AP4E1: variants seen among roughly 807,000 people sequenced by gnomAD.
The protein encoded by AP4E1 is adaptor related protein complex 4 subunit epsilon 1.
AP4E1 carries 56 observed loss-of-function variants against 128.2 expected under a neutral mutation model. The observed-to-expected ratio is 0.44, with a 90% CI of 0.35 to 0.55. The LOEUF (loss-of-function observed/expected upper bound fraction) is 0.55, where lower values mean the gene tolerates loss of function less well. Among genes scored for constraint, AP4E1 ranks in the 20% least tolerant of loss-of-function variants. The pLI is 0.00. For missense variants in AP4E1, 1,324 were observed against 1,307.7 expected (o/e 1.01, Z -0.19); for synonymous variants, 484 against 473.1 (o/e 1.02, Z -0.30).
At chr15:50,971,724 G>A (rs183307831) in intron 15 of AP4E1, among the ~76,000 whole-genome samples, 77 of 151,838 alleles carry the variant, frequency 5.1e-4, no homozygotes, top group African/African-American at 1.8e-3. Flanking sequence ...GCTTTCTAAT[G>A]TGTTGTTGAA....
chr15:50,972,693 T>G (rs969837453), intron 15 of AP4E1, among the ~76,000 whole-genome samples: 1 of 152,182 alleles, frequency 6.6e-6, no homozygotes, highest in Non-Finnish European at 1.5e-5. Flanking sequence ...CTTACTGAGG[T>G]TGGGGCCATG....
At position 50,930,778 on chromosome 15, in the gene AP4E1, CAA is replaced by C. The variant is rs753833092; in HGVS notation, c.703-25_703-24del. On this transcript the variant is annotated intron_variant, in intron 6 of 20. Transcript: ENST00000261842. ...TTTCTATTTAATAAGACGTTATTAA[CAA>C]AGTTTTTTTTGCGGGGGGATGTAGG... 2.5e-6 allele frequency: 4 copies of C among 1,612,922 alleles called. No individual in the cohort carries two copies. The African/African-American group carries it at 5.3e-5, about 22-fold the overall frequency.
intron 13 of AP4E1, among the ~76,000 whole-genome samples, chr15:50,956,457 C>T (rs1406342248): frequency 6.6e-6 from 1 of 152,168 alleles, no homozygotes; most frequent in East Asian, 1.9e-4. Context: ...TCCATTCTCA[C>T]ACTGCTATGA....
At chr15:50,948,706 C>CTCA (rs2140859482) in intron 11 of AP4E1, among the ~76,000 whole-genome samples, 1 of 152,320 alleles carries the variant, frequency 6.6e-6, no homozygotes, top group African/African-American at 2.4e-5. Context: ...GGCACAGTGG[C>CTCA]TCATGCCTGT....
intron 13 of AP4E1, among the ~76,000 whole-genome samples, chr15:50,954,491 TTGG>T (rs2064190447): frequency 6.6e-6 from 1 of 152,194 alleles, no homozygotes; most frequent in African/African-American, 2.4e-5. Flanking sequence ...TTTCCCCCCC[TTGG>T]GACTTATCTT....
At chr15:50,970,700 A>G (rs1006479020) in intron 15 of AP4E1, among the ~76,000 whole-genome samples, 3 of 151,782 alleles carry the variant, frequency 2.0e-5, no homozygotes, top group African/African-American at 4.8e-5. Flanking sequence ...TTTGGTTTCT[A>G]TTTGTCTGGA....
chr15:50,922,524 A>G (rs533296559), intron 3 of AP4E1, among the ~76,000 whole-genome samples: 7 of 152,280 alleles, frequency 4.6e-5, no homozygotes, highest in South Asian at 2.1e-4. Context: ...CTCCTGTTCC[A>G]TGGTAGACAC....
rs1441776118 is a variant in AP4E1 at position 50,993,356 on chromosome 15, AT to A, written c.2091-13del. 2.5e-6 allele frequency: 4 copies of A among 1,613,562 alleles called. No individual in the cohort carries two copies. Among genetic ancestry groups the A allele is most frequent in the Admixed American group, 3.3e-5 (2 of 59,970 alleles). On this transcript the variant is annotated splice_polypyrimidine_tract_variant and intron_variant, in intron 16 of 20. Transcript: ENST00000261842. Reference sequence around the variant, plus strand: ...TTATTTAAGTTGACTTGATTTTATTATCAACCTCCTTAGGACAAATAGCTTG... The same window carrying A: ...TTATTTAAGTTGACTTGATTTTATTACAACCTCCTTAGGACAAATAGCTTG...
At chr15:50,932,348 C>T (rs755995980) in intron 7 of AP4E1, among the ~76,000 whole-genome samples, 13 of 152,216 alleles carry the variant, frequency 8.5e-5, no homozygotes, top group Non-Finnish European at 1.5e-4. Flanking sequence ...AGTTCCCTTA[C>T]ATCCTGCACC....
chr15:50,933,152 C>T (rs771798066), intron 7 of AP4E1, among the ~76,000 whole-genome samples: 14 of 152,122 alleles, frequency 9.2e-5, no homozygotes, highest in Non-Finnish European at 1.9e-4. Flanking sequence ...ACCTTCACAG[C>T]ACTCAGGTGA....
At chr15:50,946,263 T>G (rs1179697992) in intron 10 of AP4E1, among the ~76,000 whole-genome samples, 1 of 152,246 alleles carries the variant, frequency 6.6e-6, no homozygotes, top group African/African-American at 2.4e-5. Context: ...AGATATACTC[T>G]GTATATTCTC....
chr15:50,980,853 G>A (rs2064634233), intron 15 of AP4E1, among the ~76,000 whole-genome samples: 2 of 152,168 alleles, frequency 1.3e-5, no homozygotes, highest in South Asian at 4.1e-4. Context: ...AACCTTGGTG[G>A]CATATGTGGT....
chr15:50,943,579 C>T (rs1444653009), intron 10 of AP4E1, among the ~76,000 whole-genome samples: 1 of 152,130 alleles, frequency 6.6e-6, no homozygotes, highest in Admixed American at 6.5e-5. Context: ...TTAACAGATA[C>T]AGAGCATGCA....
At chr15:50,995,900 C>A (rs62018182) in intron 17 of AP4E1, among the ~76,000 whole-genome samples, 1 of 146,542 alleles carries the variant, frequency 6.8e-6, no homozygotes, top group African/African-American at 2.5e-5. Context: ...AAAAAAAAGA[C>A]CAGAAAAGAC....
intron 16 of AP4E1, among the ~76,000 whole-genome samples, chr15:50,989,726 A>G (rs1266477831): frequency 2.6e-5 from 4 of 152,172 alleles, no homozygotes; most frequent in African/African-American, 9.7e-5. Flanking sequence ...CTACTATAGT[A>G]CTGAACTAGG....
intron 8 of AP4E1, among the ~76,000 whole-genome samples, chr15:50,939,459 A>G (rs2141172020): frequency 6.6e-6 from 1 of 152,192 alleles, no homozygotes; most frequent in Non-Finnish European, 1.5e-5. Flanking sequence ...GTTGTATTTT[A>G]CTTCACCACC....
chr15:50,989,545 TG>T (rs2064776037), intron 16 of AP4E1, among the ~76,000 whole-genome samples: 1 of 152,136 alleles, frequency 6.6e-6, no homozygotes, highest in Admixed American at 6.6e-5. Context: ...TATTTAATTT[TG>T]ATACTCCAAG....
chr15:50,924,151 C>T, intron 4 of AP4E1, 147 bp downstream of exon 4: 1 of 646,684 alleles, frequency 1.5e-6, no homozygotes. Flanking sequence ...GTTTCTGCAT[C>T]TATAAAATGG....
chr15:50,977,968 A>G (rs1213733746), intron 15 of AP4E1, among the ~76,000 whole-genome samples: 3 of 152,058 alleles, frequency 2.0e-5, no homozygotes, highest in Non-Finnish European at 4.4e-5. Flanking sequence ...TTCTGCCTCC[A>G]AAAATTCTGG....
Sources: gnomAD v4.1 joint callset for allele counts (sites outside exome capture counted in the v4.1 genomes callset) on GRCh38, gnomAD v4.1.1 for gene constraint, MANE v1.5 for transcripts, NCBI Gene and HGNC (gene_info 2026-07-23, HGNC 2026-07-21) for gene names.